LINGO2: variants seen among roughly 807,000 people sequenced by gnomAD.
LINGO2 encodes leucine rich repeat and Ig domain containing 2.
In LINGO2, 14 loss-of-function variants were observed where a neutral mutation model predicts 30.6. The observed-to-expected ratio is 0.46, with a 90% CI of 0.30 to 0.72. The LOEUF is 0.72. Ranked by LOEUF, LINGO2 falls within the 30% of genes least tolerant of loss-of-function variation. LINGO2 has a pLI of 0.07. For missense variants in LINGO2, 729 were observed against 751.7 expected, an observed-to-expected ratio of 0.97 and a Z score of 0.35; for synonymous variants, 317 against 288.5, an observed-to-expected ratio of 1.10 and a Z score of -1.00.
intron 4 of LINGO2, among the ~76,000 whole-genome samples, chr9:28,270,299 T>C (rs1403050433): frequency 2.0e-5 from 3 of 152,078 alleles, no homozygotes; most frequent in South Asian, 4.1e-4. Flanking sequence ...TATCAAGCAG[T>C]TGAAAAACTT....
At chr9:28,081,357 T>C (rs948864215) in intron 4 of LINGO2, among the ~76,000 whole-genome samples, 1 of 151,838 alleles carries the variant, frequency 6.6e-6, no homozygotes, top group African/African-American at 2.4e-5. Context: ...AAATTATTTG[T>C]AATAAATTAC....
At chr9:28,285,821 C>T (rs1433992128) in intron 4 of LINGO2, among the ~76,000 whole-genome samples, 1 of 152,094 alleles carries the variant, frequency 6.6e-6, no homozygotes. Flanking sequence ...CCTCCTCAAA[C>T]AAGAAAAGGG....
the LINGO2 span, among the ~76,000 whole-genome samples, chr9:29,177,816 A>C: frequency 6.6e-6 from 1 of 152,090 alleles, no homozygotes; most frequent in Non-Finnish European, 1.5e-5. Context: ...CATGTTGAAA[A>C]TTGTCCCCAA....
At chr9:28,967,050 T>C in the LINGO2 span, among the ~76,000 whole-genome samples, 1 of 152,132 alleles carries the variant, frequency 6.6e-6, no homozygotes, top group African/African-American at 2.4e-5. Context: ...GCACTGACGG[T>C]ATTTCACGCA....
the LINGO2 span, among the ~76,000 whole-genome samples, chr9:29,189,999 G>A: frequency 1.7e-4 from 24 of 142,298 alleles, no homozygotes; most frequent in African/African-American, 4.6e-4. Flanking sequence ...GAGGGAGACC[G>A]TGGAAAGAGA....
intron 2 of LINGO2, among the ~76,000 whole-genome samples, chr9:28,396,073 G>T (rs1168929598): frequency 1.3e-5 from 2 of 152,042 alleles, no homozygotes; most frequent in Admixed American, 6.5e-5. Flanking sequence ...GAAAACTCAG[G>T]GTTCCATACA....
intron 3 of LINGO2, among the ~76,000 whole-genome samples, chr9:28,340,222 G>A (rs1825722802): frequency 6.6e-6 from 1 of 152,146 alleles, no homozygotes; most frequent in Admixed American, 6.5e-5. Context: ...GTATACATAA[G>A]ATGGACAATT....
At chr9:27,956,219 G>A (rs1449147167) in intron 5 of LINGO2, among the ~76,000 whole-genome samples, 2 of 152,166 alleles carry the variant, frequency 1.3e-5, no homozygotes, top group African/African-American at 4.8e-5. Context: ...TGGGATTACA[G>A]GCGTGAGTCA....
intron 4 of LINGO2, among the ~76,000 whole-genome samples, chr9:28,214,979 T>G (rs1820714893): frequency 6.6e-6 from 1 of 151,730 alleles, no homozygotes; most frequent in Admixed American, 6.6e-5. Context: ...TGTACATCCT[T>G]CTTGTTTTTT....
the LINGO2 span, among the ~76,000 whole-genome samples, chr9:28,922,344 C>T: frequency 2.6e-5 from 4 of 151,924 alleles, no homozygotes; most frequent in Non-Finnish European, 5.9e-5. Context: ...TTGATAAATT[C>T]GGAAGGGTAC....
At chr9:29,042,966 A>G in the LINGO2 span, among the ~76,000 whole-genome samples, 1 of 151,874 alleles carries the variant, frequency 6.6e-6, no homozygotes, top group African/African-American at 2.4e-5. Flanking sequence ...TATGGCTATA[A>G]AAGGCCAACA....
At chr9:29,116,986 G>A in the LINGO2 span, among the ~76,000 whole-genome samples, 1 of 152,172 alleles carries the variant, frequency 6.6e-6, no homozygotes, top group African/African-American at 2.4e-5. Flanking sequence ...ATGTGCTTTG[G>A]AGACATTTAG....
At chr9:28,586,776 GGA>G (rs755028265) in intron 1 of LINGO2, among the ~76,000 whole-genome samples, 20 of 152,066 alleles carry the variant, frequency 1.3e-4, no homozygotes, top group Middle Eastern at 3.4e-3. Context: ...GCAGGGCCGT[GGA>G]GAGAGGTTAA....
intron 2 of LINGO2, among the ~76,000 whole-genome samples, chr9:28,401,654 A>G (rs959934520): frequency 2.6e-5 from 4 of 152,158 alleles, no homozygotes; most frequent in African/African-American, 9.7e-5. Flanking sequence ...TCTACCCAGT[A>G]ATGGGATTGC....
chr9:27,942,436 C>T, the LINGO2 span: 53 of 152,016 alleles, frequency 3.5e-4, no homozygotes, highest in African/African-American at 1.0e-3. Flanking sequence ...CCCTTTCATC[C>T]GAAAAGAAAA....
chr9:28,463,710 G>A (rs1381636894), intron 2 of LINGO2, among the ~76,000 whole-genome samples: 1 of 151,696 alleles, frequency 6.6e-6, no homozygotes, highest in Non-Finnish European at 1.5e-5. Context: ...AGGGGAGAGA[G>A]CCAAGATGAG....
At chr9:28,541,148 C>G (rs1349029115) in intron 1 of LINGO2, among the ~76,000 whole-genome samples, 1 of 152,118 alleles carries the variant, frequency 6.6e-6, no homozygotes, top group African/African-American at 2.4e-5. Flanking sequence ...AAGATAAAAA[C>G]AACTCAAACT....
rs186823298 is a variant in LINGO2 at position 28,636,030 on chromosome 9, T to C, written c.-365+34170A>G. ...TGATGTTCCCCTTCCTGTGTCCAAGTGTTCTCATTGTTCACTTCCCACCTA... is the reference window on the plus strand; with the variant it reads ...TGATGTTCCCCTTCCTGTGTCCAAGCGTTCTCATTGTTCACTTCCCACCTA... On this transcript the variant is annotated intron_variant, in intron 1 of 5. Coordinates refer to ENST00000379992, the Ensembl canonical transcript of LINGO2. Among the ~76,000 whole-genome samples, 124 of 152,204 alleles carry C rather than the reference T, an allele frequency of 8.1e-4. No individual in the cohort carries two copies. The East Asian group carries it at 0.015, about 19-fold the overall frequency.
chr9:28,044,888 T>C (rs939922241), intron 4 of LINGO2, among the ~76,000 whole-genome samples: 43 of 152,176 alleles, frequency 2.8e-4, no homozygotes, highest in African/African-American at 1.0e-3. Context: ...AATTTCACCT[T>C]TAACTCAGGG....
Sources: allele counts gnomAD v4.1 joint callset (sites outside exome capture counted in the v4.1 genomes callset), GRCh38; gene constraint gnomAD v4.1.1; transcripts MANE v1.5; gene names NCBI Gene and HGNC (gene_info 2026-07-23, HGNC 2026-07-21).